Variants in BRINP3 observed in about 807,000 individuals in gnomAD.
BRINP3 encodes BMP/retinoic acid inducible neural specific 3, also known as BMP/retinoic acid-inducible neural-specific protein 3.
A neutral mutation model predicts 71.0 loss-of-function variants in BRINP3; 19 were observed. That is an observed-to-expected ratio of 0.27 (90% CI 0.19 to 0.39). The LOEUF is 0.39. Ranked by LOEUF, BRINP3 falls within the 10% of genes least tolerant of loss-of-function variation. The pLI, the probability that BRINP3 is intolerant of heterozygous loss-of-function variation, is 1.00. For missense variants in BRINP3, 959 were observed against 940.8 expected (o/e 1.02, Z -0.25); for synonymous variants, 380 against 337.7 (o/e 1.13, Z -1.37).
chr1:190,448,987 C>T (rs989244193), intron 2 of BRINP3, among the ~76,000 whole-genome samples: 1 of 151,838 alleles, frequency 6.6e-6, no homozygotes, highest in Non-Finnish European at 1.5e-5. Context: ...AATTTCCACT[C>T]TCTGCTTAAT....
chr1:190,301,210 T>TATATGTACACACATAC (rs1664695419), intron 2 of BRINP3, among the ~76,000 whole-genome samples: 5 of 107,828 alleles, frequency 4.6e-5, no homozygotes. Flanking sequence ...CATACATATA[T>TATATGTACACACATAC]ATATATATAT....
intron 1 of BRINP3, among the ~76,000 whole-genome samples, chr1:190,468,950 C>T (rs550047927): frequency 4.5e-4 from 68 of 150,642 alleles, no homozygotes; most frequent in African/African-American, 1.5e-3. Flanking sequence ...CTCTAGTTCA[C>T]GTTAGGAAAA....
intron 2 of BRINP3, among the ~76,000 whole-genome samples, chr1:190,304,935 G>A (rs1006223469): frequency 1.3e-5 from 2 of 151,678 alleles, no homozygotes; most frequent in African/African-American, 4.8e-5. Flanking sequence ...AAATAATCCA[G>A]TTAAAAACTG....
rs559575966 is a variant in BRINP3, at chr1:190,172,985, G to A, written c.962-12095C>T. Among the ~76,000 whole-genome samples the A allele has an allele frequency of 8.5e-5, 13 of 152,242 alleles. No individual in the cohort carries two copies. The South Asian group carries it at 2.5e-3, about 29-fold the overall frequency. On this transcript the variant is annotated intron_variant, in intron 6 of 7. Transcript: ENST00000367462. ...CATGACAGGGCTTTGAGATTAAGTG[G>A]ATTAAGAATGTTTCTTCAGTTCTCT...
intron 2 of BRINP3, among the ~76,000 whole-genome samples, chr1:190,340,688 T>C (rs1477573693): frequency 6.6e-6 from 1 of 151,598 alleles, no homozygotes; most frequent in Non-Finnish European, 1.5e-5. Context: ...ACATGCATAC[T>C]AGAATAGAAC....
chr1:190,349,546 G>A (rs1168239877), intron 2 of BRINP3, among the ~76,000 whole-genome samples: 2 of 152,058 alleles, frequency 1.3e-5, no homozygotes, highest in Non-Finnish European at 1.5e-5. Context: ...AAAGGCTATT[G>A]GAGATTGTAG....
chr1:190,238,089 A>G (rs1658697304), intron 4 of BRINP3, among the ~76,000 whole-genome samples: 1 of 151,974 alleles, frequency 6.6e-6, no homozygotes, highest in African/African-American at 2.4e-5. Flanking sequence ...CAGTTATTTA[A>G]TTTTATACAT....
At chr1:190,439,776 C>A (rs1340089975) in intron 2 of BRINP3, among the ~76,000 whole-genome samples, 1 of 151,858 alleles carries the variant, frequency 6.6e-6, no homozygotes. Context: ...TTATATTAAC[C>A]TCTTATAATG....
chr1:190,274,216 A>T (rs188275510), intron 3 of BRINP3, among the ~76,000 whole-genome samples: 7 of 151,556 alleles, frequency 4.6e-5, no homozygotes, highest in African/African-American at 1.7e-4. Context: ...GTCAGAAGCA[A>T]CAATTATTGT....
At chr1:190,240,638 G>A (rs1658978123) in intron 4 of BRINP3, among the ~76,000 whole-genome samples, 1 of 151,890 alleles carries the variant, frequency 6.6e-6, no homozygotes, top group Non-Finnish European at 1.5e-5. Flanking sequence ...GGGAGGCCGA[G>A]GAGGGGTGTA....
chr1:190,183,600 A>G (rs1416759499), intron 6 of BRINP3, among the ~76,000 whole-genome samples: 1 of 152,174 alleles, frequency 6.6e-6, no homozygotes, highest in Non-Finnish European at 1.5e-5. Context: ...TACCATCCTG[A>G]TAATGGGGGA....
intron 7 of BRINP3, among the ~76,000 whole-genome samples, chr1:190,104,856 A>G (rs1004800285): frequency 2.0e-4 from 30 of 152,126 alleles, no homozygotes; most frequent in African/African-American, 6.8e-4. Context: ...CCAACCTTCT[A>G]ATCCTTTATT....
chr1:190,229,645 A>AACAC (rs71794093), intron 5 of BRINP3, among the ~76,000 whole-genome samples: 8,171 of 133,404 alleles, frequency 0.061, 265 homozygotes, highest in Non-Finnish European at 0.078. Context: ...AACAAAACAA[A>AACAC]ACACACACAC....
At chr1:190,437,904 G>C (rs572972720) in intron 2 of BRINP3, among the ~76,000 whole-genome samples, 1 of 151,638 alleles carries the variant, frequency 6.6e-6, no homozygotes, top group South Asian at 2.1e-4. Context: ...CGTTCTACGG[G>C]ATTTTGTTAC....
chr1:190,338,711 C>A (rs1367364153), intron 2 of BRINP3, among the ~76,000 whole-genome samples: 1 of 151,518 alleles, frequency 6.6e-6, no homozygotes, highest in Non-Finnish European at 1.5e-5. Flanking sequence ...GTCTTGCTTA[C>A]CTGTACTATC....
At chr1:190,234,547 G>C in intron 4 of BRINP3, 70 bp from the exon 5 acceptor site, 3 of 1,124,986 alleles carry the variant, frequency 2.7e-6, no homozygotes, top group Non-Finnish European at 4.0e-6. Flanking sequence ...CACTGTAGTT[G>C]TCACACACTA....
intron 4 of BRINP3, among the ~76,000 whole-genome samples, chr1:190,251,107 C>A (rs988939675): frequency 4.0e-5 from 6 of 151,246 alleles, no homozygotes; most frequent in Non-Finnish European, 8.9e-5. Flanking sequence ...AGTAAAACAC[C>A]CTTAATTTGG....
At chr1:190,216,258 T>C (rs956611112) in intron 6 of BRINP3, among the ~76,000 whole-genome samples, 4 of 151,794 alleles carry the variant, frequency 2.6e-5, no homozygotes, top group Non-Finnish European at 5.9e-5. Context: ...TTGTGATCTT[T>C]GTCTAATTAA....
intron 7 of BRINP3, among the ~76,000 whole-genome samples, chr1:190,143,753 G>C (rs1389748820): frequency 6.6e-6 from 1 of 152,108 alleles, no homozygotes; most frequent in African/African-American, 2.4e-5. Flanking sequence ...ACTGAGGTAT[G>C]CCATGACTAT....
Sources: allele counts gnomAD v4.1 joint callset (sites outside exome capture counted in the v4.1 genomes callset), GRCh38; gene constraint gnomAD v4.1.1; transcripts MANE v1.5; gene names NCBI Gene and HGNC (gene_info 2026-07-23, HGNC 2026-07-21).